Variants in ZC3H13 observed in about 807,000 individuals in gnomAD.
ZC3H13 encodes the protein zinc finger CCCH-type containing 13, also known as zinc finger CCCH domain-containing protein 13.
A neutral mutation model predicts 204.1 loss-of-function variants in ZC3H13; 64 were observed. That is an observed-to-expected ratio of 0.31 (90% CI 0.26 to 0.39). ZC3H13 has a LOEUF of 0.39. Among genes scored for constraint, ZC3H13 ranks in the 10% least tolerant of loss-of-function variants. The pLI is 1.00. For missense variants in ZC3H13, 1,833 were observed against 2,082.7 expected, an observed-to-expected ratio of 0.88 and a Z score of 2.33; for synonymous variants, 667 against 693.7, an observed-to-expected ratio of 0.96 and a Z score of 0.60.
At chr13:45,988,761 T>TA in intron 9 of ZC3H13, 26 bp downstream of exon 9, 1 of 1,568,138 alleles carries the variant, frequency 6.4e-7, no homozygotes, top group Non-Finnish European at 8.7e-7. Context: ...ATTTTTCAAT[T>TA]AAAAAAATCA....
intron 5 of ZC3H13, among the ~76,000 whole-genome samples, chr13:46,015,682 G>A (rs926833121): frequency 7.9e-5 from 12 of 152,096 alleles, no homozygotes; most frequent in Admixed American, 4.6e-4. Context: ...CACAGACTTC[G>A]GAGTGGGGCC....
Position 45,981,141 on chromosome 13 carries a change from C to T in ZC3H13, c.1721-1137G>A, listed in dbSNP as rs1953556952. 2.6e-5 allele frequency among the ~76,000 whole-genome samples: 4 copies of T among 152,248 alleles called. No homozygotes were observed. The South Asian group carries it at 8.3e-4, about 32-fold the overall frequency. ...TAGGAGTAGAGAAACAGTACTGGGG[C>T]TGTGATAATTTAGGAATATCTGGCA... On this transcript the variant is annotated intron_variant, in intron 10 of 18. Transcript: ENST00000679008.
chr13:46,047,302 T>C (rs897735948), intron 1 of ZC3H13, among the ~76,000 whole-genome samples: 1 of 152,190 alleles, frequency 6.6e-6, no homozygotes, highest in Non-Finnish European at 1.5e-5. Flanking sequence ...AATGTAATAA[T>C]TCTTTTGATA....
Position 46,045,529 on chromosome 13 carries a change from A to G in ZC3H13, c.-9-13T>C. The G allele has an allele frequency of 6.3e-7, 1 of 1,583,572 alleles. No individual in the cohort carries two copies. The highest frequency in any genetic ancestry group is 8.7e-7 in the Non-Finnish European group (1 of 1,152,276). ...ACATTTTGTACTACTTCAACCAAAA[A>G]AGAAAGAGGCAAAACTGTAAAATTC... On this transcript the variant is annotated splice_polypyrimidine_tract_variant and intron_variant, in intron 1 of 18. Transcript: ENST00000679008.
At chr13:46,051,617 G>A (rs1226279891) in intron 1 of ZC3H13, among the ~76,000 whole-genome samples, 1 of 152,046 alleles carries the variant, frequency 6.6e-6, no homozygotes, top group East Asian at 1.9e-4. Flanking sequence ...CGCGGACTTC[G>A]AAAACTTGAG....
chr13:45,961,637 A>C (rs1389967268), intron 17 of ZC3H13, among the ~76,000 whole-genome samples: 1 of 151,742 alleles, frequency 6.6e-6, no homozygotes, highest in Non-Finnish European at 1.5e-5. Flanking sequence ...AATAAGACTT[A>C]GTATTTGATA....
At chr13:46,048,881 A>C (rs890086290) in intron 1 of ZC3H13, among the ~76,000 whole-genome samples, 2 of 152,186 alleles carry the variant, frequency 1.3e-5, no homozygotes, top group African/African-American at 4.8e-5. Flanking sequence ...CTGTAATCCC[A>C]GCACTTTGGG....
intron 5 of ZC3H13, 40 bp downstream of exon 5, chr13:46,020,409 A>G (rs1593707539): frequency 6.7e-7 from 1 of 1,488,758 alleles, no homozygotes; most frequent in Admixed American, 1.8e-5. Context: ...AAAGTAAATA[A>G]TCAAGAATTC....
chr13:46,009,323 A>G (rs553908081), intron 7 of ZC3H13, among the ~76,000 whole-genome samples: 18 of 152,280 alleles, frequency 1.2e-4, no homozygotes, highest in Admixed American at 1.1e-3. Flanking sequence ...ATGGTATAAT[A>G]AATTAATTGG....
chr13:46,041,959 C>T (rs770527407), intron 4 of ZC3H13, among the ~76,000 whole-genome samples: 7 of 152,062 alleles, frequency 4.6e-5, no homozygotes, highest in Non-Finnish European at 1.0e-4. Context: ...GCCAACTAAT[C>T]CCTTTCATCT....
rs559353865 is a variant in ZC3H13, at chr13:45,963,975, C to G, written c.4542G>C (p.Glu1514Asp). The G allele has an allele frequency of 6.2e-7, 1 of 1,614,144 alleles. No homozygotes were observed. The highest frequency in any genetic ancestry group is 1.1e-5 in the South Asian group (1 of 91,088). Residue 1514 changes from glutamate (E) to aspartate (D), a missense_variant, in exon 17 of 19, where the codon GAG becomes GAC. By Grantham distance (45) the Glu-to-Asp change is conservative. Transcript: ENST00000679008. The part of the protein sequence containing the change: ...LMPKHPKEPR[E>D]PGAALLKFTP... ...TGAATTTTAAGAGTGCAGCCCCAGG[C>G]TCTCGTGGTTCTTTTGGATGCTTTG...
rs575892811 is a variant in ZC3H13, at chr13:46,029,274, G to A, written c.340-8717C>T. On this transcript the variant is annotated intron_variant, in intron 4 of 18. Coordinates refer to ENST00000679008, the MANE Select transcript of ZC3H13 (RefSeq NM_001330564.2). Reference sequence around the variant, plus strand: ...AAGGAGAAACAAGCAATTTAAATAGGTATATATCTATTTTAAAAATTGAAT... The same window carrying A: ...AAGGAGAAACAAGCAATTTAAATAGATATATATCTATTTTAAAAATTGAAT... Among the ~76,000 whole-genome samples, 10 of 152,116 alleles carry A rather than the reference G, an allele frequency of 6.6e-5. No homozygotes were observed. In the East Asian group the frequency reaches 1.9e-3, roughly 29 times the overall value.
At chr13:45,972,737 T>A (rs931962956) in intron 12 of ZC3H13, among the ~76,000 whole-genome samples, 1 of 152,188 alleles carries the variant, frequency 6.6e-6, no homozygotes, top group African/African-American at 2.4e-5. Flanking sequence ...CATCAATAAC[T>A]GGCCTATTTC....
chr13:46,008,100 A>G (rs1338721755), intron 7 of ZC3H13, among the ~76,000 whole-genome samples: 1 of 152,138 alleles, frequency 6.6e-6, no homozygotes, highest in African/African-American at 2.4e-5. Flanking sequence ...CTTTCCATTC[A>G]ATATGATAAC....
chr13:45,987,499 T>TAA (rs2039628940), intron 9 of ZC3H13, among the ~76,000 whole-genome samples: 2 of 152,016 alleles, frequency 1.3e-5, no homozygotes, highest in Non-Finnish European at 2.9e-5. Context: ...CAATGTTTCA[T>TAA]AAACACTGCT....
chr13:45,959,761 A>G, intron 17 of ZC3H13, 115 bp from the exon 18 acceptor site: 1 of 1,196,250 alleles, frequency 8.4e-7, no homozygotes, highest in Non-Finnish European at 1.1e-6. Flanking sequence ...AACATTGGTG[A>G]AAATTATTTC....
chr13:46,038,866 CA>C (rs1317394749), intron 4 of ZC3H13, among the ~76,000 whole-genome samples: 1 of 151,988 alleles, frequency 6.6e-6, no homozygotes, highest in African/African-American at 2.4e-5. Context: ...ACTGAAGATA[CA>C]AAAAATTAGC....
At chr13:45,988,490 C>A (rs2039718849) in intron 9 of ZC3H13, among the ~76,000 whole-genome samples, 1 of 152,116 alleles carries the variant, frequency 6.6e-6, no homozygotes, top group African/African-American at 2.4e-5. Context: ...ATCTCCTGAC[C>A]GCATGATCCT....
chr13:45,969,034 C>T lies in ZC3H13; in HGVS notation c.3510G>A (p.Thr1170=), dbSNP rs778100703. 16 of 1,614,066 alleles carry T rather than the reference C, an allele frequency of 9.9e-6. 1 individual carries two copies. Among genetic ancestry groups the T allele is most frequent in the East Asian group, 4.5e-5 (2 of 44,894 alleles). Residue 1170 remains threonine (T), a synonymous_variant, in exon 14 of 19, where the codon ACG becomes ACA. Transcript: ENST00000679008. The part of the protein sequence containing the change: ...CHRTRVEKVE[T]PHVTIEDAQH... ...GTGCATCTTCTATAGTCACGTGAGG[C>T]GTCTCTACTTTTTCTACTCGTGTTC...
Sources: gnomAD v4.1 joint callset for allele counts (sites outside exome capture counted in the v4.1 genomes callset) on GRCh38, gnomAD v4.1.1 for gene constraint, MANE v1.5 for transcripts, NCBI Gene and HGNC (gene_info 2026-07-23, HGNC 2026-07-21) for gene names.